The following NAA16 variants were observed in gnomAD, a reference collection of about 807,000 sequenced individuals.
The protein encoded by NAA16 is NARG1-like protein.
In NAA16, 97 loss-of-function variants were observed where a neutral mutation model predicts 110.3. That is an observed-to-expected ratio of 0.88 (90% CI 0.75 to 1.04). NAA16 has a LOEUF of 1.04. NAA16 is among the 50% of genes least tolerant of loss of function. The pLI is 0.00. For synonymous variants in NAA16, 372 were observed against 330.6 expected (o/e 1.13, Z -1.36); for missense variants, 1,017 against 1,005.1 (o/e 1.01, Z -0.16).
In NAA16 at chr13:41,325,793, A is replaced by G. The variant is rs747815341; in HGVS notation, c.633A>G (p.Glu211=). ...CAGATCTGTTGCAGGAATCTTTGGA[A>G]CATATAGAAATGTATGAGAAACAAA... The part of the protein sequence containing the change: ...READLLQESL[E]HIEMYEKQIC... Residue 211 remains glutamate (E), a synonymous_variant, in exon 6 of 20, where the codon GAA becomes GAG. Coordinates refer to ENST00000379406, the MANE Select transcript of NAA16 (RefSeq NM_024561.5). 3.1e-6 allele frequency: 5 copies of G among 1,610,132 alleles called. No homozygotes were observed. The highest frequency in any genetic ancestry group is 4.2e-6 in the Non-Finnish European group (5 of 1,177,450).
Position 41,320,693 on chromosome 13 carries a change from C to T in NAA16, c.271C>T (p.Arg91Cys), listed in dbSNP as rs749535695. ...TTGGCATGTATATGGACTCTTGCAGCGTTCTGATAAAAAATATGATGAAGC... is the reference window on the plus strand; with the variant it reads ...TTGGCATGTATATGGACTCTTGCAGTGTTCTGATAAAAAATATGATGAAGC... Reference protein sequence around the residue: ...VCWHVYGLLQRSDKKYDEAIK... With the variant: ...VCWHVYGLLQCSDKKYDEAIK... Residue 91 changes from arginine (R) to cysteine (C), a missense_variant, in exon 4 of 20, where the codon CGT becomes TGT. Transcript: ENST00000379406. The T allele has an allele frequency of 7.4e-6, 12 of 1,611,062 alleles. No individual in the cohort carries two copies. The highest frequency in any genetic ancestry group is 2.7e-5 in the African/African-American group (2 of 74,786).
Position 41,358,733 on chromosome 13 carries a change from G to A in NAA16, c.1258-77G>A, listed in dbSNP as rs556834338. 45 of 1,492,342 alleles carry A rather than the reference G, an allele frequency of 3.0e-5. No individual in the cohort carries two copies. In the African/African-American group the frequency reaches 5.3e-4, roughly 18 times the overall value. The allele number at this position is 1,492,342 out of a possible 1,614,324, so 92.4% of individuals were successfully genotyped here. A position where few individuals can be genotyped will look rare whatever the true frequency, so the allele number is the denominator to read the frequency against. On this transcript the variant is annotated intron_variant, in intron 11 of 19. Transcript: ENST00000379406. ...ATGGTGACAGATTTCTTTTTTGTCT[G>A]TGTAAATTATTTTCCATTTTATTGT...
intron 9 of NAA16, among the ~76,000 whole-genome samples, chr13:41,340,421 TA>T (rs1303244671): frequency 6.6e-6 from 1 of 152,150 alleles, no homozygotes; most frequent in African/African-American, 2.4e-5. Flanking sequence ...ATTGCGATGT[TA>T]AGGTGTCGAT....
At position 41,375,490 on chromosome 13, in the gene NAA16, A is replaced by G. The variant is rs758287067; in HGVS notation, c.2483A>G (p.His828Arg). The part of the protein sequence containing the change: ...SQYEEYRMAC[H>R]NLLPFTSAFL... Reference sequence around the variant, plus strand: ...TATGAAGAATATAGGATGGCCTGTCATAACCTGCTTCCTTTTACATCTGCC... The same window carrying G: ...TATGAAGAATATAGGATGGCCTGTCGTAACCTGCTTCCTTTTACATCTGCC... The change falls in exon 20 of 20, where the codon CAT becomes CGT. Residue 828 changes from histidine to arginine, a missense_variant. Transcript: ENST00000379406. 6.8e-6 allele frequency: 11 copies of G among 1,614,008 alleles called. No homozygotes were observed. The highest frequency in any genetic ancestry group is 5.1e-6 in the Non-Finnish European group (6 of 1,179,968).
At chr13:41,340,355 T>G (rs762172757) in intron 9 of NAA16, among the ~76,000 whole-genome samples, 13 of 152,138 alleles carry the variant, frequency 8.5e-5, no homozygotes, top group South Asian at 2.1e-4. Context: ...TCTTAGTTAG[T>G]TATTGCCTTC....
At chr13:41,320,525 C>A in intron 3 of NAA16, 142 bp from the exon 4 acceptor site, 1 of 738,340 alleles carries the variant, frequency 1.4e-6, no homozygotes, top group Non-Finnish European at 2.0e-6. Flanking sequence ...AACTTCCCCT[C>A]ACCATTCCCC....
In NAA16 at chr13:41,339,455, A is replaced by C. The variant is rs116237395; in HGVS notation, c.1014+2699A>C. ...CGCCTGGCCGAAATGTATTTCTTAAATGTCTCCAGCATTTAAATTTTTTTG... is the reference window on the plus strand; with the variant it reads ...CGCCTGGCCGAAATGTATTTCTTAACTGTCTCCAGCATTTAAATTTTTTTG... On this transcript the variant is annotated intron_variant, in intron 9 of 19. Transcript: ENST00000379406. 2.9e-3 allele frequency among the ~76,000 whole-genome samples: 445 copies of C among 152,060 alleles called. 3 individuals carry two copies. Among genetic ancestry groups the C allele is most frequent in the African/African-American group, 0.01 (422 of 41,480 alleles).
At chr13:41,368,713 G>A (rs2043255868) in intron 14 of NAA16, among the ~76,000 whole-genome samples, 1 of 151,858 alleles carries the variant, frequency 6.6e-6, no homozygotes. Context: ...TTTTTTTCTT[G>A]TCATTATTAG....
intron 10 of NAA16, among the ~76,000 whole-genome samples, chr13:41,356,886 CT>C (rs2043001461): frequency 6.6e-6 from 1 of 152,202 alleles, no homozygotes. Context: ...GATTCAGGTT[CT>C]GTTTAAATAC....
chr13:41,360,708 G>A (rs1299422324), intron 12 of NAA16, among the ~76,000 whole-genome samples: 1 of 152,136 alleles, frequency 6.6e-6, no homozygotes, highest in Non-Finnish European at 1.5e-5. Flanking sequence ...GAAGAAAACT[G>A]CAAATGACCC....
At chr13:41,341,829 A>C in intron 9 of NAA16, among the ~76,000 whole-genome samples, 1 of 112,320 alleles carries the variant, frequency 8.9e-6, no homozygotes, top group South Asian at 3.4e-4. Flanking sequence ...ATTATATCAG[A>C]CCAAACCTTT....
At chr13:41,362,947 G>A in intron 13 of NAA16, 12 of 1,103,280 alleles carry the variant, frequency 1.1e-5, no homozygotes, top group Non-Finnish European at 1.4e-5. Context: ...TTACCCACAA[G>A]GAAGGCTAAA....
At chr13:41,360,958 T>C (rs1334952659) in intron 12 of NAA16, among the ~76,000 whole-genome samples, 1 of 152,184 alleles carries the variant, frequency 6.6e-6, no homozygotes, top group Non-Finnish European at 1.5e-5. Flanking sequence ...TCAATAATTC[T>C]GTTCACCCAG....
chr13:41,354,886 A>ATTTTTTTTTTTTT lies in NAA16; in HGVS notation c.1015-251_1015-239dup, dbSNP rs10671840. ...AATGTGTCCCTTATAGGAGTGGTCCATTTTTTTTTTTTTTTTTTTGTCTTG... is the reference window on the plus strand; with the variant it reads ...AATGTGTCCCTTATAGGAGTGGTCCATTTTTTTTTTTTTTTTTTTTTTTTTTTTTTTTGTCTTG... On this transcript the variant is annotated intron_variant, in intron 9 of 19. Coordinates refer to ENST00000379406, the MANE Select transcript of NAA16 (RefSeq NM_024561.5). 1.4e-4 allele frequency among the ~76,000 whole-genome samples: 16 copies of ATTTTTTTTTTTTT among 112,454 alleles called. 1 individual carries two copies. Among genetic ancestry groups the ATTTTTTTTTTTTT allele is most frequent in the South Asian group, 3.0e-4 (1 of 3,378 alleles). 73.8% of individuals were successfully genotyped at this position (112,454 alleles called of 152,430 possible).
In NAA16 at chr13:41,376,772, G is replaced by A. The variant is rs1353105618; in HGVS notation, c.*1170G>A. On this transcript the variant is annotated 3_prime_UTR_variant, in exon 20 of 20. Coordinates refer to ENST00000379406, the MANE Select transcript of NAA16 (RefSeq NM_024561.5). ...TTGTTAAACAGTATTTTTTGGGGGC[G>A]GGTGGATAGCTTTTTGTTCTATCTT... 11 of 152,090 alleles carry A rather than the reference G, an allele frequency of 7.2e-5. No homozygotes were observed. Among genetic ancestry groups the A allele is most frequent in the African/African-American group, 2.7e-4 (11 of 41,412 alleles). The allele number at this position is 152,090 out of a possible 1,614,324, so 9.4% of individuals were successfully genotyped here.
Position 41,336,633 on chromosome 13 carries a change from T to TA in NAA16, c.908-16dup. On this transcript the variant is annotated splice_polypyrimidine_tract_variant and intron_variant, in intron 8 of 19. Transcript: ENST00000379406. ...TTGCGTGAACCAAAGAATAACAAAG[T>TA]ACGCTTTTGTTTCTAGGTGAAAGAT... The TA allele has an allele frequency of 7.2e-7, 1 of 1,396,454 alleles. No individual in the cohort carries two copies. 86.5% of individuals were successfully genotyped at this position (1,396,454 alleles called of 1,614,324 possible).
intron 1 of NAA16, among the ~76,000 whole-genome samples, chr13:41,312,023 C>G (rs906645342): frequency 2.0e-5 from 3 of 152,214 alleles, no homozygotes; most frequent in African/African-American, 7.2e-5. Context: ...TTAGATTGCA[C>G]AGCACACCCG....
At position 41,375,290 on chromosome 13, in the gene NAA16, A is replaced by G; in HGVS notation, c.2398-115A>G. Reference sequence around the variant, plus strand: ...CTTACTGTGTAGATTGTAAGGCATTATTTTAGACTGAGGCAGCTTTCTCAA... The same window carrying G: ...CTTACTGTGTAGATTGTAAGGCATTGTTTTAGACTGAGGCAGCTTTCTCAA... On this transcript the variant is annotated intron_variant, in intron 19 of 19. Transcript: ENST00000379406. The G allele has an allele frequency of 4.3e-6, 3 of 701,902 alleles. No homozygotes were observed. In the East Asian group the frequency reaches 8.2e-5, roughly 19 times the overall value. The allele number at this position is 701,902 out of a possible 1,614,324, so 43.5% of individuals were successfully genotyped here.
intron 13 of NAA16, among the ~76,000 whole-genome samples, chr13:41,366,384 A>T (rs2043207491): frequency 6.6e-6 from 1 of 152,208 alleles, no homozygotes; most frequent in Non-Finnish European, 1.5e-5. Flanking sequence ...GACAGAGGGA[A>T]CATGAACTAG....
Sources: allele counts gnomAD v4.1 joint callset (sites outside exome capture counted in the v4.1 genomes callset), GRCh38; gene constraint gnomAD v4.1.1; transcripts MANE v1.5; gene names NCBI Gene and HGNC (gene_info 2026-07-23, HGNC 2026-07-21).